The following HNRNPUL1 variants were observed in gnomAD, a reference collection of about 807,000 sequenced individuals.
The protein encoded by HNRNPUL1 is heterogeneous nuclear ribonucleoprotein U like 1.
A neutral mutation model predicts 108.5 loss-of-function variants in HNRNPUL1; 14 were observed. The ratio of observed to expected loss-of-function variants is 0.13; its 90% CI spans 0.09 to 0.20. The LOEUF is 0.20. HNRNPUL1 is among the 10% of genes least tolerant of loss of function. The pLI, the probability that HNRNPUL1 is intolerant of heterozygous loss-of-function variation, is 1.00. For missense variants in HNRNPUL1, 804 were observed against 1,168.3 expected (o/e 0.69, Z 4.55); for synonymous variants, 422 against 445.2 (o/e 0.95, Z 0.66).
intron 7 of HNRNPUL1, among the ~76,000 whole-genome samples, chr19:41,282,996 T>C (rs1015761841): frequency 3.9e-5 from 6 of 152,174 alleles, no homozygotes; most frequent in East Asian, 1.9e-4. Flanking sequence ...GCCCGGCCAT[T>C]TTTTTCAATA....
chr19:41,304,375 T>A, intron 13 of HNRNPUL1, 114 bp downstream of exon 13: 1 of 1,494,170 alleles, frequency 6.7e-7, no homozygotes, highest in South Asian at 1.4e-5. Context: ...CTACTGGTCT[T>A]CACTCTAACC....
At chr19:41,301,066 A>G (rs1488442242) in intron 10 of HNRNPUL1, among the ~76,000 whole-genome samples, 4 of 152,228 alleles carry the variant, frequency 2.6e-5, no homozygotes, top group African/African-American at 9.6e-5. Context: ...GCATAATACA[A>G]TTCTTTTTGT....
chr19:41,306,396 C>G, intron 14 of HNRNPUL1, 53 bp from the exon 15 acceptor site: 1 of 1,280,588 alleles, frequency 7.8e-7, no homozygotes, highest in Non-Finnish European at 1.1e-6. Flanking sequence ...GGTGGGGAGG[C>G]TAAATGTGTG....
chr19:41,285,031 A>G (rs1379345489), intron 7 of HNRNPUL1, among the ~76,000 whole-genome samples: 1 of 151,850 alleles, frequency 6.6e-6, no homozygotes, highest in East Asian at 1.9e-4. Flanking sequence ...CCTATAGGCT[A>G]TAATTCAAGA....
intron 6 of HNRNPUL1, among the ~76,000 whole-genome samples, chr19:41,279,809 C>G (rs547425371): frequency 1.3e-5 from 2 of 152,312 alleles, no homozygotes; most frequent in African/African-American, 4.8e-5. Flanking sequence ...GAAAATCCTT[C>G]CTAAACCTGT....
Position 41,306,863 on chromosome 19 carries a change from A to C in HNRNPUL1, c.*298A>C. The C allele has an allele frequency of 4.3e-6, 1 of 230,828 alleles. No individual in the cohort carries two copies. The highest frequency in any genetic ancestry group is 8.5e-6 in the Non-Finnish European group (1 of 118,296). The allele number at this position is 230,828 out of a possible 1,614,324, so 14.3% of individuals were successfully genotyped here. On this transcript the variant is annotated 3_prime_UTR_variant, in exon 15 of 15. Transcript: ENST00000392006. ...CTTCCTTTTTGACTAAATAATCCCC[A>C]CCTCCCTTGATCATACAGTGAGGCT... is the stretch of plus-strand genomic sequence containing the variant.
intron 1 of HNRNPUL1, among the ~76,000 whole-genome samples, chr19:41,267,247 G>A (rs1429685921): frequency 2.0e-5 from 3 of 152,158 alleles, no homozygotes; most frequent in Non-Finnish European, 4.4e-5. Flanking sequence ...TTTATGAGAA[G>A]AGGGATGTTT....
At chr19:41,303,812 G>A (rs193036891) in intron 12 of HNRNPUL1, among the ~76,000 whole-genome samples, 160 bp from the exon 13 acceptor site, 183 of 152,276 alleles carry the variant, frequency 1.2e-3, no homozygotes, top group Admixed American at 2.1e-3. Flanking sequence ...GAGTATGCCC[G>A]GGGGTCTAGA....
At chr19:41,280,320 G>A (rs1368780340) in intron 6 of HNRNPUL1, among the ~76,000 whole-genome samples, 1 of 151,998 alleles carries the variant, frequency 6.6e-6, no homozygotes, top group Non-Finnish European at 1.5e-5. Context: ...TGCAATCTGT[G>A]CATGTAACAG....
At chr19:41,263,198 G>A (rs1420871642), upstream of HNRNPUL1, among the ~76,000 whole-genome samples, 3 of 152,170 alleles carry the variant, frequency 2.0e-5, no homozygotes, top group Non-Finnish European at 4.4e-5. Flanking sequence ...GAGGCAGTGG[G>A]AGTCTGCATC....
At chr19:41,282,751 G>A (rs1599799277) in intron 7 of HNRNPUL1, among the ~76,000 whole-genome samples, 2 of 147,784 alleles carry the variant, frequency 1.4e-5, no homozygotes, top group African/African-American at 5.0e-5. Context: ...GTGCAGTGGC[G>A]GGATCTCGGC....
intron 1 of HNRNPUL1, 187 bp downstream of exon 1, chr19:41,264,985 A>G (rs12983339): frequency 0.28 from 353,531 of 1,256,026 alleles, 47,911 homozygotes; most frequent in East Asian, 0.29. Context: ...CCTGACACTC[A>G]GTGCAGGGGG....
upstream of HNRNPUL1, among the ~76,000 whole-genome samples, chr19:41,264,128 G>A (rs1026666180): frequency 2.6e-5 from 4 of 152,236 alleles, no homozygotes; most frequent in Admixed American, 2.6e-4. Context: ...GCGCGCGAGA[G>A]TTACCCAATC....
chr19:41,270,225 C>T (rs1483514258), intron 2 of HNRNPUL1, among the ~76,000 whole-genome samples: 2 of 151,902 alleles, frequency 1.3e-5, no homozygotes, highest in Non-Finnish European at 2.9e-5. Flanking sequence ...TCAGGTGATC[C>T]GCCCGCCTCA....
Position 41,264,673 on chromosome 19 carries a change from C to T in HNRNPUL1, c.170C>T (p.Pro57Leu). 1 of 1,578,238 alleles carries T rather than the reference C, an allele frequency of 6.3e-7. No individual in the cohort carries two copies. Residue 57 changes from proline (P) to leucine (L), a missense_variant, in exon 1 of 15, where the codon CCC becomes CTC. Coordinates refer to ENST00000392006, the MANE Select transcript of HNRNPUL1 (RefSeq NM_007040.6). ...GACGCCGACGACGAACCGGGGCGACCCGGGCACATCAACGAGGAGGTCGAG... is the reference window on the plus strand; with the variant it reads ...GACGCCGACGACGAACCGGGGCGACTCGGGCACATCAACGAGGAGGTCGAG... ...ELDADDEPGRPGHINEEVETE... is the reference protein window; with the variant it reads ...ELDADDEPGRLGHINEEVETE...
At chr19:41,295,100 G>A (rs1176244000) in intron 10 of HNRNPUL1, among the ~76,000 whole-genome samples, 2 of 152,172 alleles carry the variant, frequency 1.3e-5, no homozygotes, top group African/African-American at 2.4e-5. Flanking sequence ...CACCCCTAAC[G>A]CAGGACCTGG....
intron 7 of HNRNPUL1, among the ~76,000 whole-genome samples, chr19:41,288,482 G>T (rs1352078088): frequency 6.6e-6 from 1 of 152,090 alleles, no homozygotes; most frequent in African/African-American, 2.4e-5. Context: ...GACCTCAGGT[G>T]ATCTGCCCTC....
At chr19:41,296,128 C>T (rs1413984926) in intron 10 of HNRNPUL1, among the ~76,000 whole-genome samples, 1 of 152,232 alleles carries the variant, frequency 6.6e-6, no homozygotes, top group East Asian at 1.9e-4. Context: ...CAGTATTCCT[C>T]CCTGTCTTTT....
At chr19:41,290,050 A>G (rs2036493465) in intron 7 of HNRNPUL1, among the ~76,000 whole-genome samples, 2 of 152,126 alleles carry the variant, frequency 1.3e-5, no homozygotes, top group Non-Finnish European at 2.9e-5. Flanking sequence ...CTTAGAGATG[A>G]ACAGGCATGA....
Sources: gnomAD v4.1 joint callset for allele counts (sites outside exome capture counted in the v4.1 genomes callset) on GRCh38, gnomAD v4.1.1 for gene constraint, MANE v1.5 for transcripts, NCBI Gene and HGNC (gene_info 2026-07-23, HGNC 2026-07-21) for gene names.